Variants in PCNX3 observed in about 807,000 individuals in gnomAD.
PCNX3 encodes the protein pecanex 3.
A neutral mutation model predicts 207.2 loss-of-function variants in PCNX3; 58 were observed. The ratio of observed to expected loss-of-function variants is 0.28; its 90% CI spans 0.23 to 0.35. The LOEUF (loss-of-function observed/expected upper bound fraction) is 0.35. PCNX3 is among the 10% of genes least tolerant of loss of function. PCNX3 has a pLI of 1.00. For missense variants in PCNX3, 2,410 were observed against 2,774.4 expected, an observed-to-expected ratio of 0.87 and a Z score of 2.95; for synonymous variants, 1,337 against 1,183.5, an observed-to-expected ratio of 1.13 and a Z score of -2.66.
rs1316889797 is a variant in PCNX3, at chr11:65,620,011, C to T, written c.2008+79C>T. 9 of 1,417,568 alleles carry T rather than the reference C, an allele frequency of 6.3e-6. No individual in the cohort carries two copies. In the East Asian group the frequency reaches 7.2e-5, roughly 11 times the overall value. The allele number at this position is 1,417,568 out of a possible 1,614,324, so 87.8% of individuals were successfully genotyped here. On this transcript the variant is annotated intron_variant, in intron 8 of 34. Coordinates refer to ENST00000355703, the MANE Select transcript of PCNX3 (RefSeq NM_032223.4). ...CCTGAGTCCTCCTAGCAGTGGTGCT[C>T]GCTCGGCCCTGTGGCAGGTACACTG...
Position 65,624,357 on chromosome 11 carries a change from G to T in PCNX3, c.2707G>T (p.Val903Leu). 1 of 1,554,160 alleles carries T rather than the reference G, an allele frequency of 6.4e-7. No homozygotes were observed. The highest frequency in any genetic ancestry group is 8.7e-7 in the Non-Finnish European group (1 of 1,148,382). Residue 903 changes from valine to leucine, a missense_variant, in exon 14 of 35, where the codon GTG (valine) becomes TTG (leucine). Coordinates refer to ENST00000355703, the MANE Select transcript of PCNX3 (RefSeq NM_032223.4). ...SASFFFCARD[V>L]ATVFTLCFPF... Reference sequence around the variant, plus strand: ...CTCCTTCTTCTTCTGTGCCCGAGACGTGGCCACTGGTGAGGCTGGGGCAGG... The same window carrying T: ...CTCCTTCTTCTTCTGTGCCCGAGACTTGGCCACTGGTGAGGCTGGGGCAGG...
chr11:65,624,808 G>T, intron 15 of PCNX3, 117 bp from the exon 16 acceptor site: 1 of 1,104,540 alleles, frequency 9.1e-7, no homozygotes, highest in East Asian at 2.5e-5. Flanking sequence ...AGAGAACAAT[G>T]GGCTGGGGGT....
chr11:65,630,229 C>G, intron 26 of PCNX3, 122 bp from the exon 27 acceptor site: 1 of 1,371,810 alleles, frequency 7.3e-7, no homozygotes, highest in Admixed American at 2.5e-5. Flanking sequence ...ATAAGGTTGA[C>G]TCCCCTGGCG....
In PCNX3 at chr11:65,617,430, C is replaced by G. The variant is rs1482710242; in HGVS notation, c.442-40C>G. On this transcript the variant is annotated intron_variant, in intron 3 of 34. Transcript: ENST00000355703. ...CTGTGGGTGCATCCTGAGCCTACTT[C>G]TTGCCTTGTTTGTTCCTTCATGGCT... is the stretch of plus-strand genomic sequence containing the variant. 8 of 1,613,938 alleles carry G rather than the reference C, an allele frequency of 5.0e-6. No individual in the cohort carries two copies. In the South Asian group the frequency reaches 7.7e-5, roughly 16 times the overall value.
chr11:65,626,786 CCT>C (rs1231296413), intron 20 of PCNX3, 116 bp from the exon 21 acceptor site: 56 of 1,454,744 alleles, frequency 3.8e-5, no homozygotes, highest in African/African-American at 7.1e-5. Context: ...CAGATCAGCC[CCT>C]CCCCCCAGGG....
rs1353193775 is a variant in PCNX3, at chr11:65,618,426, C to A, written c.1064C>A (p.Ser355Ter). Residue 355 changes from serine (S) to a stop codon, truncating the protein, a stop_gained, in exon 6 of 35, where the codon TCA becomes TAA. Transcript: ENST00000355703. LOFTEE classifies it high-confidence loss of function. ...LPASPDAGVP[S>*]DDTLRSFDTV... The stretch of plus-strand genomic sequence containing the variant: ...GCCTCACCAGACGCCGGGGTCCCCT[C>A]AGATGACACGCTGCGTTCCTTTGAC... 1 of 1,612,112 alleles carries A rather than the reference C, an allele frequency of 6.2e-7. No homozygotes were observed. Among genetic ancestry groups the A allele is most frequent in the Admixed American group, 1.7e-5 (1 of 59,854 alleles).
intron 13 of PCNX3, 46 bp downstream of exon 13, chr11:65,624,007 G>A: frequency 1.2e-6 from 2 of 1,606,800 alleles, no homozygotes; most frequent in Non-Finnish European, 1.7e-6. Flanking sequence ...GCCCCGGGAG[G>A]GGCTGAGACC....
chr11:65,621,815 A>C (rs1855118933), intron 10 of PCNX3, among the ~76,000 whole-genome samples: 1 of 152,236 alleles, frequency 6.6e-6, no homozygotes, highest in South Asian at 2.1e-4. Context: ...GCATGTCCTC[A>C]AGGCTGAGCC....
rs758083854 is a variant in PCNX3, at chr11:65,618,093, G to T, written c.731G>T (p.Ser244Ile). 6.2e-7 allele frequency: 1 copy of T among 1,609,518 alleles called. No individual in the cohort carries two copies. The highest frequency in any genetic ancestry group is 1.7e-5 in the Admixed American group (1 of 59,410). Residue 244 changes from serine to isoleucine, a missense_variant, in exon 6 of 35, where the codon AGC (serine) becomes ATC (isoleucine). Physicochemically the swap from Ser to Ile is moderately radical, Grantham distance 142 (BLOSUM62 -2). This residue lies in a region of PCNX3 where 1,104 missense variants were observed against 970.3 expected (regional missense o/e 1.14). Transcript: ENST00000355703. ...CCCATGAGCCCCCTGCTGAAGGGGA[G>T]CCTCAGCCAGGAGCTGAGCAAGAGC... Reference protein sequence around the residue: ...DTPMSPLLKGSLSQELSKSFL... With the variant: ...DTPMSPLLKGILSQELSKSFL...
At chr11:65,636,017 A>C (rs1855817835) in intron 32 of PCNX3, among the ~76,000 whole-genome samples, 157 bp from the exon 33 acceptor site, 1 of 152,154 alleles carries the variant, frequency 6.6e-6, no homozygotes, top group Non-Finnish European at 1.5e-5. Flanking sequence ...ACGCACCCTC[A>C]AAAGACTCTG....
chr11:65,637,267 G>T lies in PCNX3; in HGVS notation c.*289G>T, dbSNP rs530327230. 1.5e-5 allele frequency: 7 copies of T among 463,200 alleles called. No individual in the cohort carries two copies. Among genetic ancestry groups the T allele is most frequent in the Non-Finnish European group, 2.7e-5 (7 of 255,762 alleles). 28.7% of individuals were successfully genotyped at this position (463,200 alleles called of 1,614,324 possible). A position where few individuals can be genotyped will look rare whatever the true frequency, so the allele number is the denominator to read the frequency against. ...GGTCCCACTTGGAGCCTGTGGCCAG[G>T]ACCACCTCAGCCCCTGGGCCTGCAC... is the stretch of plus-strand genomic sequence containing the variant. On this transcript the variant is annotated 3_prime_UTR_variant, in exon 35 of 35. Transcript: ENST00000355703.
chr11:65,632,393 G>T (rs899589252), intron 27 of PCNX3, among the ~76,000 whole-genome samples: 2 of 151,426 alleles, frequency 1.3e-5, no homozygotes, highest in Non-Finnish European at 2.9e-5. Context: ...TCCAGCCTTC[G>T]AGGTTGGCCA....
At position 65,618,014 on chromosome 11, in the gene PCNX3, T is replaced by C; in HGVS notation, c.652T>C (p.Ser218Pro). 6.2e-7 allele frequency: 1 copy of C among 1,610,202 alleles called. No individual in the cohort carries two copies. Among genetic ancestry groups the C allele is most frequent in the East Asian group, 2.2e-5 (1 of 44,806 alleles). Reference protein sequence around the residue: ...SLASTDSSEPSPLAGDGAPWS... With the variant: ...SLASTDSSEPPPLAGDGAPWS... ...TGCCAGTACAGACTCTTCAGAGCCTTCTCCCCTGGCTGGAGATGGAGCGCC... is the reference window on the plus strand; with the variant it reads ...TGCCAGTACAGACTCTTCAGAGCCTCCTCCCCTGGCTGGAGATGGAGCGCC... The change falls in exon 6 of 35, where the codon TCT becomes CCT. Residue 218 changes from serine to proline, a missense_variant. Coordinates refer to ENST00000355703, the MANE Select transcript of PCNX3 (RefSeq NM_032223.4).
At chr11:65,626,351 G>A (rs979453719) in intron 20 of PCNX3, 2 of 593,300 alleles carry the variant, frequency 3.4e-6, no homozygotes, top group African/African-American at 1.8e-5. Context: ...GGGATCTCTT[G>A]TCCAGAATTA....
chr11:65,626,792 C>G (rs948541737), intron 20 of PCNX3, 112 bp from the exon 21 acceptor site: 109 of 1,485,832 alleles, frequency 7.3e-5, no homozygotes, highest in Non-Finnish European at 8.3e-5. Flanking sequence ...AGCCCCTCCC[C>G]CCAGGGTCTC....
At position 65,637,107 on chromosome 11, in the gene PCNX3, C is replaced by A; in HGVS notation, c.*129C>A. On this transcript the variant is annotated 3_prime_UTR_variant, in exon 35 of 35. Coordinates refer to ENST00000355703, the MANE Select transcript of PCNX3 (RefSeq NM_032223.4). ...GAACCCTGACCTTTGGCTGCCTTGG[C>A]CAGAGTACCAAAACTGAGTGACCCA... 9.6e-7 allele frequency: 1 copy of A among 1,041,614 alleles called. No homozygotes were observed. The highest frequency in any genetic ancestry group is 1.4e-6 in the Non-Finnish European group (1 of 723,272). The allele number at this position is 1,041,614 out of a possible 1,614,324, so 64.5% of individuals were successfully genotyped here.
intron 20 of PCNX3, chr11:65,626,662 C>A: frequency 1.7e-6 from 1 of 572,042 alleles, no homozygotes; most frequent in East Asian, 3.1e-5. Context: ...CATCATTGGC[C>A]TTGTTTTAAC....
intron 9 of PCNX3, 87 bp downstream of exon 9, chr11:65,620,516 C>T (rs922553775): frequency 2.1e-6 from 3 of 1,440,550 alleles, no homozygotes; most frequent in African/African-American, 1.4e-5. Flanking sequence ...TTGCTCTCTT[C>T]CTGCTGGGCT....
In PCNX3 at chr11:65,625,398, C is replaced by T. The variant is rs536368223; in HGVS notation, c.3030-7C>T. Reference sequence around the variant, plus strand: ...GCGGCCTCCTCCTGACTCTTCCTCACCCCCAGGTCTCTGATCCGGAGCAAG... The same window carrying T: ...GCGGCCTCCTCCTGACTCTTCCTCATCCCCAGGTCTCTGATCCGGAGCAAG... On this transcript the variant is annotated splice_region_variant and splice_polypyrimidine_tract_variant and intron_variant, in intron 17 of 34. Coordinates refer to ENST00000355703, the MANE Select transcript of PCNX3 (RefSeq NM_032223.4). This position sits in a 1 kb window ranked among gnomAD's most constrained non-coding sequence, Gnocchi z 5.6. The T allele has an allele frequency of 6.2e-7, 1 of 1,602,246 alleles. No homozygotes were observed. The highest frequency in any genetic ancestry group is 2.2e-5 in the East Asian group (1 of 44,820).
Sources: allele counts gnomAD v4.1 joint callset (sites outside exome capture counted in the v4.1 genomes callset), GRCh38; gene constraint gnomAD v4.1.1; regional missense constraint gnomAD v4.1.1; non-coding constraint Gnocchi (gnomAD v3.1); transcripts MANE v1.5; gene names NCBI Gene and HGNC (gene_info 2026-07-23, HGNC 2026-07-21).